The following AFAP1L2 variants were observed in gnomAD, a reference collection of about 807,000 sequenced individuals.
The protein encoded by AFAP1L2 is actin filament associated protein 1 like 2.
Under a neutral mutation model 99.3 loss-of-function variants are expected in AFAP1L2, and 46 were observed. That is an observed-to-expected ratio of 0.46 (90% confidence interval 0.37 to 0.59). The LOEUF (loss-of-function observed/expected upper bound fraction) is 0.59, where lower values mean the gene tolerates loss of function less well. Among genes scored for constraint, AFAP1L2 ranks in the 20% least tolerant of loss-of-function variants. The pLI is 0.00. For synonymous variants in AFAP1L2, 397 were observed against 419.1 expected (o/e 0.95, Z 0.64); for missense variants, 959 against 1,034.9 (o/e 0.93, Z 1.01).
chr10:114,333,234 C>T lies in AFAP1L2; in HGVS notation c.207G>A (p.Glu69=). Residue 69 remains glutamate (E), a synonymous_variant, in exon 3 of 19, where the codon GAG becomes GAA. Transcript: ENST00000304129. The part of the protein sequence containing the change: ...KVTINKQQNA[E]SQGKAPEEQG... Reference sequence around the variant, plus strand: ...CCAGCCTCATACCTTTGCCTTGAGACTCTGCATTCTGTTGCTTGTTGATGG... The same window carrying T: ...CCAGCCTCATACCTTTGCCTTGAGATTCTGCATTCTGTTGCTTGTTGATGG... The T allele has an allele frequency of 1.2e-6, 2 of 1,613,700 alleles. No individual in the cohort carries two copies. Among genetic ancestry groups the T allele is most frequent in the East Asian group, 2.2e-5 (1 of 44,884 alleles).
At chr10:114,310,209 G>A (rs1262343264) in intron 8 of AFAP1L2, 145 bp downstream of exon 8, 19 of 823,170 alleles carry the variant, frequency 2.3e-5, no homozygotes, top group Admixed American at 6.3e-5. Context: ...TTACAGGCGT[G>A]AGCCCACCCT....
At chr10:114,282,343 C>T in the AFAP1L2 span, among the ~76,000 whole-genome samples, 1 of 152,124 alleles carries the variant, frequency 6.6e-6, no homozygotes, top group Non-Finnish European at 1.5e-5. Context: ...GAAACATTCC[C>T]TACTCTATGT....
chr10:114,308,098 T>A (rs1047304004), intron 9 of AFAP1L2, among the ~76,000 whole-genome samples, 189 bp from the exon 10 acceptor site: 1 of 152,170 alleles, frequency 6.6e-6, no homozygotes, highest in Non-Finnish European at 1.5e-5. Flanking sequence ...CACAGTCAGG[T>A]GTCTTTAAAG....
In AFAP1L2 at chr10:114,301,347, T is replaced by C; in HGVS notation, c.1542+7A>G. 1.2e-6 allele frequency: 2 copies of C among 1,611,968 alleles called. No individual in the cohort carries two copies. Among genetic ancestry groups the C allele is most frequent in the South Asian group, 1.1e-5 (1 of 91,032 alleles). On this transcript the variant is annotated splice_region_variant and intron_variant, in intron 13 of 18. Transcript: ENST00000304129. Reference sequence around the variant, plus strand: ...AGGCCCAGGCCACTGCCTGGCCGGGTCCTTACCGCAGCTGTGAGCTCTGAC... The same window carrying C: ...AGGCCCAGGCCACTGCCTGGCCGGGCCCTTACCGCAGCTGTGAGCTCTGAC...
chr10:114,323,074 C>A, intron 5 of AFAP1L2, 97 bp downstream of exon 5: 2 of 1,129,246 alleles, frequency 1.8e-6, no homozygotes, highest in Non-Finnish European at 1.3e-6. Flanking sequence ...TCACCCAGCC[C>A]AGGATGAGTG....
At chr10:114,365,887 G>A (rs1386826731) in intron 1 of AFAP1L2, among the ~76,000 whole-genome samples, 3 of 148,322 alleles carry the variant, frequency 2.0e-5, no homozygotes, top group Non-Finnish European at 4.5e-5. Flanking sequence ...GGGCCACCAT[G>A]CCCAGATAAT....
At chr10:114,364,709 A>G (rs2052948306) in intron 1 of AFAP1L2, among the ~76,000 whole-genome samples, 1 of 152,138 alleles carries the variant, frequency 6.6e-6, no homozygotes, top group South Asian at 2.1e-4. Context: ...TTCAACCCAC[A>G]ACAGGACACA....
intron 1 of AFAP1L2, among the ~76,000 whole-genome samples, chr10:114,380,608 G>T (rs2055481424): frequency 6.6e-6 from 1 of 152,102 alleles, no homozygotes; most frequent in South Asian, 2.1e-4. Flanking sequence ...AAGAGTGAGG[G>T]AACATATCAT....
intron 2 of AFAP1L2, among the ~76,000 whole-genome samples, chr10:114,339,988 G>A (rs2048554164): frequency 7.5e-6 from 1 of 132,508 alleles, no homozygotes; most frequent in South Asian, 2.5e-4. Context: ...TCCAGCCTGG[G>A]CAACAGAGCA....
chr10:114,286,641 G>A, the AFAP1L2 span: 3 of 733,878 alleles, frequency 4.1e-6, no homozygotes, highest in Non-Finnish European at 6.4e-6. Context: ...CACTCTTTCA[G>A]GCACCAGTCA....
chr10:114,336,119 A>G lies in AFAP1L2; in HGVS notation c.146-2824T>C, dbSNP rs368618663. 1.3e-4 allele frequency among the ~76,000 whole-genome samples: 20 copies of G among 152,358 alleles called. No homozygotes were observed. In the East Asian group the frequency reaches 3.5e-3, roughly 26 times the overall value. On this transcript the variant is annotated intron_variant, in intron 2 of 18. Transcript: ENST00000304129. ...CACACTGGCCACTTCATGAGGGTGC[A>G]TCGGCCCACCTCGGGTGGGCTGCAG...
the AFAP1L2 span, chr10:114,286,337 C>T: frequency 8.7e-6 from 14 of 1,613,060 alleles, 1 homozygote; most frequent in South Asian, 9.9e-5. Flanking sequence ...GGGCCCAGCG[C>T]GTCACGCAAG....
chr10:114,297,292 C>T lies in AFAP1L2; in HGVS notation c.2235G>A (p.Lys745=), dbSNP rs763186385. The change falls in exon 17 of 19, where the codon AAG becomes AAA. Residue 745 remains lysine, a synonymous_variant. Coordinates refer to ENST00000304129, the MANE Select transcript of AFAP1L2 (RefSeq NM_001001936.3). The stretch of plus-strand genomic sequence containing the variant: ...ACGTCACAGGCCCTGCCTCAGCCTT[C>T]TTCAGGTTGTCCTTCACCTCCATGA... The part of the protein sequence containing the change: ...LSIMEVKDNL[K]KAEAGPVTLG... 9 of 1,614,096 alleles carry T rather than the reference C, an allele frequency of 5.6e-6. No homozygotes were observed. The highest frequency in any genetic ancestry group is 1.6e-4 in the Middle Eastern group (1 of 6,062).
Position 114,331,813 on chromosome 10 carries a change from G to A in AFAP1L2, c.305C>T (p.Pro102Leu), listed in dbSNP as rs778735977. 2.2e-6 allele frequency: 3 copies of A among 1,390,790 alleles called. No individual in the cohort carries two copies. Among genetic ancestry groups the A allele is most frequent in the Non-Finnish European group, 2.8e-6 (3 of 1,065,344 alleles). The allele number at this position is 1,390,790 out of a possible 1,614,324, so 86.2% of individuals were successfully genotyped here. The change falls in exon 4 of 19, where the codon CCA (proline) becomes CTA (leucine). Residue 102 changes from proline to leucine, a missense_variant. By Grantham distance (98) the Pro-to-Leu change is moderately conservative. Coordinates refer to ENST00000304129, the MANE Select transcript of AFAP1L2 (RefSeq NM_001001936.3). The stretch of plus-strand genomic sequence containing the variant: ...TGAACTGATGCTTACCATCTTGGGT[G>A]GCGGGAGGTCTGGAAGGCTCTTCTG... Reference protein sequence around the residue: ...APQKSLPDLPPPKMIPERKQL... With the variant: ...APQKSLPDLPLPKMIPERKQL...
At chr10:114,289,471 A>G in the AFAP1L2 span, 3 of 1,614,202 alleles carry the variant, frequency 1.9e-6, no homozygotes, top group Non-Finnish European at 2.5e-6. Context: ...GGACGTGCTC[A>G]TTGAGTGGCT....
intron 1 of AFAP1L2, among the ~76,000 whole-genome samples, chr10:114,394,817 C>G (rs1331005227): frequency 6.6e-6 from 1 of 152,058 alleles, no homozygotes; most frequent in East Asian, 1.9e-4. Flanking sequence ...GAACCAGAGA[C>G]AAGCTTCCAC....
At chr10:114,313,819 C>A in intron 7 of AFAP1L2, 52 bp downstream of exon 7, 2 of 1,523,386 alleles carry the variant, frequency 1.3e-6, no homozygotes, top group Non-Finnish European at 1.8e-6. Flanking sequence ...TTTAGAAAAG[C>A]TGGGGGCCAC....
chr10:114,382,617 G>T (rs1164987442), intron 1 of AFAP1L2, among the ~76,000 whole-genome samples: 1 of 106,036 alleles, frequency 9.4e-6, no homozygotes, highest in Admixed American at 1.3e-4. Flanking sequence ...TTTTGAGACC[G>T]AGTTTCGCTC....
At chr10:114,323,397 G>C (rs2045701267) in intron 4 of AFAP1L2, 136 bp from the exon 5 acceptor site, 1 of 696,354 alleles carries the variant, frequency 1.4e-6, no homozygotes, top group African/African-American at 1.8e-5. Flanking sequence ...TTGGGAGGGA[G>C]AACATGCAGT....
Sources: gnomAD v4.1 joint callset for allele counts (sites outside exome capture counted in the v4.1 genomes callset) on GRCh38, gnomAD v4.1.1 for gene constraint, MANE v1.5 for transcripts, NCBI Gene and HGNC (gene_info 2026-07-23, HGNC 2026-07-21) for gene names.